Variants in SHCBP1 observed in about 807,000 individuals in gnomAD.
SHCBP1 encodes the protein SHC binding and spindle associated 1.
Under a neutral mutation model 75.1 loss-of-function variants are expected in SHCBP1, and 60 were observed. The observed-to-expected ratio is 0.80, with a 90% CI of 0.65 to 0.99. The LOEUF (loss-of-function observed/expected upper bound fraction) is 0.99, where lower values mean the gene tolerates loss of function less well. Ranked by LOEUF, SHCBP1 falls within the 50% of genes least tolerant of loss-of-function variation. The pLI, the probability that SHCBP1 is intolerant of heterozygous loss-of-function variation, is 0.00. For synonymous variants in SHCBP1, 290 were observed against 293.2 expected (o/e 0.99, Z 0.11); for missense variants, 709 against 809.4 (o/e 0.88, Z 1.50).
rs756110414 is a variant in SHCBP1, at chr16:46,621,251, G to A, written c.103+6C>T. Reference sequence around the variant, plus strand: ...CGGCTCCTCGGCCCCGGCATGGAGAGCTCACCTTTCTCCAGAGACGCCAGC... The same window carrying A: ...CGGCTCCTCGGCCCCGGCATGGAGAACTCACCTTTCTCCAGAGACGCCAGC... On this transcript the variant is annotated splice_donor_region_variant and intron_variant, in intron 1 of 12. Transcript: ENST00000303383. The A allele has an allele frequency of 6.2e-6, 10 of 1,605,260 alleles. No individual in the cohort carries two copies. The South Asian group carries it at 9.9e-5, about 16-fold the overall frequency.
At chr16:46,593,677 T>G (rs1965086725) in intron 10 of SHCBP1, among the ~76,000 whole-genome samples, 1 of 151,890 alleles carries the variant, frequency 6.6e-6, no homozygotes. Context: ...ACTGAAGCTA[T>G]GCCATAAGCC....
At chr16:46,614,907 C>A (rs1044160950) in intron 4 of SHCBP1, among the ~76,000 whole-genome samples, 11 of 152,186 alleles carry the variant, frequency 7.2e-5, no homozygotes, top group African/African-American at 2.2e-4. Flanking sequence ...AACAGGAATT[C>A]TTTATACACT....
rs549756264 is a variant in SHCBP1, at chr16:46,616,262, G to A, written c.388-108C>T. ...TTTAAAAGCATACAACATGGGTGGG[G>A]AGGCTTTACCCATAATATAAAGGAT... On this transcript the variant is annotated intron_variant, in intron 3 of 12. Coordinates refer to ENST00000303383, the MANE Select transcript of SHCBP1 (RefSeq NM_024745.5). The surrounding 1 kb of genome is among the most constrained non-coding windows in gnomAD (Gnocchi z 4.4). The A allele has an allele frequency of 6.6e-4, 716 of 1,090,790 alleles. 1 individual carries two copies. The highest frequency in any genetic ancestry group is 9.0e-4 in the Non-Finnish European group (670 of 747,836). 67.6% of individuals were successfully genotyped at this position (1,090,790 alleles called of 1,614,324 possible).
intron 5 of SHCBP1, among the ~76,000 whole-genome samples, chr16:46,604,885 T>C (rs967889053): frequency 7.2e-5 from 11 of 152,182 alleles, no homozygotes; most frequent in Non-Finnish European, 1.5e-4. Context: ...CACAACAATG[T>C]TTAAGATTAC....
intron 9 of SHCBP1, among the ~76,000 whole-genome samples, chr16:46,597,954 G>A (rs1965169069): frequency 1.3e-5 from 2 of 152,212 alleles, no homozygotes; most frequent in African/African-American, 4.8e-5. Flanking sequence ...TCATCCATAA[G>A]AAGCAATTCC....
intron 10 of SHCBP1, among the ~76,000 whole-genome samples, chr16:46,587,072 T>C (rs1463972706): frequency 6.6e-6 from 1 of 152,120 alleles, no homozygotes; most frequent in African/African-American, 2.4e-5. Flanking sequence ...CTCTTGAGTG[T>C]TCTAAATTAT....
In SHCBP1 at chr16:46,616,239, T is replaced by A; in HGVS notation, c.388-85A>T. On this transcript the variant is annotated intron_variant, in intron 3 of 12. Transcript: ENST00000303383. The surrounding 1 kb of genome is among the most constrained non-coding windows in gnomAD (Gnocchi z 4.4). ...GACACTACTGACAACCTGATTTTTT[T>A]AAAAGCATACAACATGGGTGGGGAG... is the stretch of plus-strand genomic sequence containing the variant. The A allele has an allele frequency of 1.5e-6, 2 of 1,370,542 alleles. No individual in the cohort carries two copies. The highest frequency in any genetic ancestry group is 2.0e-6 in the Non-Finnish European group (2 of 990,238). 84.9% of individuals were successfully genotyped at this position (1,370,542 alleles called of 1,614,324 possible). A position where few individuals can be genotyped will look rare whatever the true frequency, so the allele number is the denominator to read the frequency against.
chr16:46,614,604 C>T (rs1382425840), intron 4 of SHCBP1, among the ~76,000 whole-genome samples: 1 of 152,130 alleles, frequency 6.6e-6, no homozygotes, highest in Non-Finnish European at 1.5e-5. Context: ...GCAAAAAAGA[C>T]TCACAGGCAG....
intron 12 of SHCBP1, 48 bp downstream of exon 12, chr16:46,583,468 C>A (rs769999127): frequency 6.5e-7 from 1 of 1,549,492 alleles, no homozygotes; most frequent in Non-Finnish European, 8.7e-7. Flanking sequence ...GCATTTAATG[C>A]TGAAATAAAT....
intron 12 of SHCBP1, 60 bp from the exon 13 acceptor site, chr16:46,582,114 A>AT: frequency 6.7e-7 from 1 of 1,495,340 alleles, no homozygotes; most frequent in South Asian, 1.3e-5. Context: ...ACAAAAACAT[A>AT]TATTTCTACA....
At chr16:46,588,495 C>T (rs1282872609) in intron 10 of SHCBP1, among the ~76,000 whole-genome samples, 1 of 152,032 alleles carries the variant, frequency 6.6e-6, no homozygotes, top group Non-Finnish European at 1.5e-5. Flanking sequence ...GGGATATCAC[C>T]ACCAATCCCA....
chr16:46,597,303 G>A (rs1965159595), intron 9 of SHCBP1, among the ~76,000 whole-genome samples: 2 of 152,072 alleles, frequency 1.3e-5, no homozygotes, highest in Non-Finnish European at 2.9e-5. Context: ...CAGCTACTTG[G>A]GGGGCAAAGG....
chr16:46,596,048 G>A (rs950368991), intron 9 of SHCBP1, among the ~76,000 whole-genome samples: 12 of 151,980 alleles, frequency 7.9e-5, no homozygotes, highest in Non-Finnish European at 1.3e-4. Flanking sequence ...TCAGTCTAGT[G>A]CTACCTTGAA....
intron 10 of SHCBP1, among the ~76,000 whole-genome samples, chr16:46,588,293 A>G (rs1308198421): frequency 6.6e-6 from 1 of 152,230 alleles, no homozygotes; most frequent in Non-Finnish European, 1.5e-5. Flanking sequence ...TTCCAAAGCT[A>G]GCAGAAGGCA....
At position 46,584,074 on chromosome 16, in the gene SHCBP1, T is replaced by C. The variant is rs1206683338; in HGVS notation, c.1480A>G (p.Ile494Val). Residue 494 changes from isoleucine to valine, a missense_variant, in exon 11 of 13, where the codon ATC becomes GTC. Coordinates refer to ENST00000303383, the MANE Select transcript of SHCBP1 (RefSeq NM_024745.5). ...LYGAKGAGIE[I>V]YPGSQCTLSD... ...AGGGTGCACTGACTCCCAGGGTAGA[T>C]TTCTATACCAGCACCCTGTGAGTCA... 1 of 1,600,226 alleles carries C rather than the reference T, an allele frequency of 6.2e-7. No homozygotes were observed. The highest frequency in any genetic ancestry group is 1.7e-5 in the Admixed American group (1 of 58,532).
At position 46,616,154 on chromosome 16, in the gene SHCBP1, T is replaced by A. The variant is rs770344569; in HGVS notation, c.388A>T (p.Ile130Phe). The A allele has an allele frequency of 6.2e-7, 1 of 1,612,284 alleles. No homozygotes were observed. The highest frequency in any genetic ancestry group is 2.2e-5 in the East Asian group (1 of 44,826). ...AAGGCTGCAAAGTCCACATCTGTGA[T>A]CTGAAATTTAAAATAATGTGACTTA... is the stretch of plus-strand genomic sequence containing the variant. ...HTNVFKVLVEITDVDFAALKA... is the reference protein window; with the variant it reads ...HTNVFKVLVEFTDVDFAALKA... Residue 130 changes from isoleucine (I) to phenylalanine (F), a missense_variant and splice_region_variant, in exon 4 of 13, where the codon ATC (isoleucine) becomes TTC (phenylalanine). Ile to Phe is a conservative substitution (Grantham distance 21, BLOSUM62 0). Coordinates refer to ENST00000303383, the MANE Select transcript of SHCBP1 (RefSeq NM_024745.5). The surrounding 1 kb of genome is among the most constrained non-coding windows in gnomAD (Gnocchi z 4.4).
At position 46,616,240 on chromosome 16, in the gene SHCBP1, A is replaced by T. The variant is rs1302146086; in HGVS notation, c.388-86T>A. On this transcript the variant is annotated intron_variant, in intron 3 of 12. Transcript: ENST00000303383. This position sits in a 1 kb window ranked among gnomAD's most constrained non-coding sequence, Gnocchi z 4.4. ...ACACTACTGACAACCTGATTTTTTT[A>T]AAAGCATACAACATGGGTGGGGAGG... 3 of 1,342,102 alleles carry T rather than the reference A, an allele frequency of 2.2e-6. No individual in the cohort carries two copies. The African/African-American group carries it at 4.4e-5, about 20-fold the overall frequency. The allele number at this position is 1,342,102 out of a possible 1,614,324, so 83.1% of individuals were successfully genotyped here.
chr16:46,621,105 G>A (rs1965582118), intron 1 of SHCBP1, 152 bp downstream of exon 1: 1 of 628,318 alleles, frequency 1.6e-6, no homozygotes, highest in Non-Finnish European at 2.6e-6. Flanking sequence ...CGACTTTGAG[G>A]TCCCGTCACT....
chr16:46,595,713 C>G (rs779420660), intron 9 of SHCBP1, 43 bp from the exon 10 acceptor site: 1 of 1,468,778 alleles, frequency 6.8e-7, no homozygotes, highest in South Asian at 1.2e-5. Context: ...AAGTAATGTG[C>G]CTTTTCCAAT....
Sources: gnomAD v4.1 joint callset for allele counts (sites outside exome capture counted in the v4.1 genomes callset) on GRCh38, gnomAD v4.1.1 for gene constraint, Gnocchi (gnomAD v3.1) non-coding constraint, MANE v1.5 for transcripts, NCBI Gene and HGNC (gene_info 2026-07-23, HGNC 2026-07-21) for gene names.